The following ADD2 variants were observed in gnomAD, a reference collection of about 807,000 sequenced individuals.
ADD2 encodes the protein adducin 2, also known as beta-adducin.
A neutral mutation model predicts 83.0 loss-of-function variants in ADD2; 23 were observed. The observed-to-expected ratio is 0.28, with a 90% CI of 0.20 to 0.39. The LOEUF (loss-of-function observed/expected upper bound fraction) is 0.39. Among genes scored for constraint, ADD2 ranks in the 10% least tolerant of loss-of-function variants. The pLI is 1.00. For missense variants in ADD2, 758 were observed against 944.9 expected (o/e 0.80, Z 2.59); for synonymous variants, 375 against 375.4 (o/e 1.00, Z 0.01).
At chr2:70,735,807 C>A (rs185355697) in intron 1 of ADD2, among the ~76,000 whole-genome samples, 15 of 150,792 alleles carry the variant, frequency 9.9e-5, no homozygotes, top group African/African-American at 3.7e-4. Flanking sequence ...CTGCAACCTC[C>A]GCCTCCTGGG....
Position 70,756,584 on chromosome 2 carries a change from A to C in ADD2, c.-154+11302T>G, listed in dbSNP as rs1382364971. Among the ~76,000 whole-genome samples, 3 of 152,332 alleles carry C rather than the reference A, an allele frequency of 2.0e-5. No individual in the cohort carries two copies. In the East Asian group the frequency reaches 5.8e-4, roughly 29 times the overall value. ...TCATAGAAACCAACGATGGCTAGGA[A>C]ATAGAGTATTTTATCAACTTTGATA... On this transcript the variant is annotated intron_variant, in intron 1 of 15. Coordinates refer to ENST00000264436, the MANE Select transcript of ADD2 (RefSeq NM_001617.4).
In ADD2 at chr2:70,695,741, C is replaced by T; in HGVS notation, c.535G>A (p.Glu179Lys). The T allele has an allele frequency of 6.2e-7, 1 of 1,614,172 alleles. No individual in the cohort carries two copies. Among genetic ancestry groups the T allele is most frequent in the South Asian group, 1.1e-5 (1 of 91,074 alleles). ...LISPKGVSCSEVTASSLIKVN... is the reference protein window; with the variant it reads ...LISPKGVSCSKVTASSLIKVN... ...CTCACCAGGCTGGACGCTGTGACTT[C>T]ACTGCAAGAAACTCCCTTAGGGCTG... Residue 179 changes from glutamate to lysine, a missense_variant, in exon 6 of 16, where the codon GAA (glutamate) becomes AAA (lysine). Glu to Lys is a moderately conservative substitution (Grantham distance 56, BLOSUM62 1). This residue lies in a region of ADD2 where 394 missense variants were observed against 509.3 expected (regional missense o/e 0.77). Coordinates refer to ENST00000264436, the MANE Select transcript of ADD2 (RefSeq NM_001617.4).
At chr2:70,713,741 GCCT>G (rs1296353206) in intron 1 of ADD2, among the ~76,000 whole-genome samples, 4 of 152,106 alleles carry the variant, frequency 2.6e-5, no homozygotes, top group Admixed American at 6.5e-5. Flanking sequence ...GGTTGCCCTG[GCCT>G]GGTGGAGGGC....
intron 11 of ADD2, 116 bp downstream of exon 11, chr2:70,678,588 A>G: frequency 2.1e-6 from 3 of 1,411,072 alleles, no homozygotes; most frequent in Admixed American, 2.6e-5. Context: ...AAGCCCAAAG[A>G]GGATGCTACT....
intron 9 of ADD2, among the ~76,000 whole-genome samples, chr2:70,685,289 T>A (rs2104289328): frequency 6.6e-6 from 1 of 152,310 alleles, no homozygotes; most frequent in East Asian, 1.9e-4. Context: ...TAGAGTATGT[T>A]AAATTCATCA....
intron 1 of ADD2, among the ~76,000 whole-genome samples, chr2:70,750,876 G>A (rs1674470943): frequency 1.3e-5 from 2 of 151,940 alleles, no homozygotes; most frequent in Admixed American, 1.3e-4. Context: ...GAGAATTAAG[G>A]GCCAACACTG....
chr2:70,692,700 A>G, intron 6 of ADD2, 148 bp from the exon 7 acceptor site: 1 of 832,984 alleles, frequency 1.2e-6, no homozygotes, highest in Non-Finnish European at 1.8e-6. Flanking sequence ...GTTGGAAGAA[A>G]ACAAACCAGT....
At chr2:70,719,613 C>T (rs1672633348) in intron 1 of ADD2, among the ~76,000 whole-genome samples, 1 of 152,166 alleles carries the variant, frequency 6.6e-6, no homozygotes, top group Non-Finnish European at 1.5e-5. Flanking sequence ...AGTCTTCCCA[C>T]ACTCAGTGCC....
chr2:70,714,060 T>C (rs1672339710), intron 1 of ADD2, among the ~76,000 whole-genome samples: 1 of 152,070 alleles, frequency 6.6e-6, no homozygotes, highest in African/African-American at 2.4e-5. Context: ...AAAGTACTAC[T>C]GAAGGAGGAA....
Position 70,696,365 on chromosome 2 carries a change from G to A in ADD2, c.354C>T (p.Leu118=). The A allele has an allele frequency of 3.1e-6, 5 of 1,614,218 alleles. No individual in the cohort carries two copies. The highest frequency in any genetic ancestry group is 4.2e-6 in the Non-Finnish European group (5 of 1,180,048). Residue 118 remains leucine, a synonymous_variant, in exon 5 of 16, where the codon CTC becomes CTT. Transcript: ENST00000264436. ...CCAGGTTCAGGGAGTCAGCTGTGTGGAGGTCATTGATAGGCGTCATCATGG... is the reference window on the plus strand; with the variant it reads ...CCAGGTTCAGGGAGTCAGCTGTGTGAAGGTCATTGATAGGCGTCATCATGG... ...NVSMMTPIND[L]HTADSLNLAK... is the part of the protein sequence containing the mutation.
intron 9 of ADD2, among the ~76,000 whole-genome samples, chr2:70,685,204 C>T (rs1553370327): frequency 6.6e-6 from 1 of 152,134 alleles, no homozygotes; most frequent in Non-Finnish European, 1.5e-5. Flanking sequence ...TTATTTTTTA[C>T]TGGAAATGAA....
intron 1 of ADD2, among the ~76,000 whole-genome samples, chr2:70,734,554 C>A (rs1654743133): frequency 6.6e-6 from 1 of 152,108 alleles, no homozygotes; most frequent in African/African-American, 2.4e-5. Flanking sequence ...GAAGAGAAGA[C>A]CCCAATGTCA....
intron 4 of ADD2, among the ~76,000 whole-genome samples, chr2:70,701,872 T>C (rs1450323084): frequency 1.3e-5 from 2 of 152,236 alleles, no homozygotes; most frequent in East Asian, 1.9e-4. Context: ...CTGATGGATA[T>C]GAAAGAAGAC....
At position 70,696,234 on chromosome 2, in the gene ADD2, G is replaced by T; in HGVS notation, c.474+11C>A. On this transcript the variant is annotated intron_variant, in intron 5 of 15. Coordinates refer to ENST00000264436, the MANE Select transcript of ADD2 (RefSeq NM_001617.4). ...GCAGTGCCCCACCCAATTCCAGGGCGTTCTGCTCACCGTGACATAGGTGTC... is the reference window on the plus strand; with the variant it reads ...GCAGTGCCCCACCCAATTCCAGGGCTTTCTGCTCACCGTGACATAGGTGTC... 6.2e-7 allele frequency: 1 copy of T among 1,609,276 alleles called. No homozygotes were observed. Among genetic ancestry groups the T allele is most frequent in the Non-Finnish European group, 8.5e-7 (1 of 1,177,942 alleles).
intron 1 of ADD2, among the ~76,000 whole-genome samples, chr2:70,721,384 A>G (rs897465717): frequency 6.6e-6 from 1 of 152,168 alleles, no homozygotes; most frequent in Non-Finnish European, 1.5e-5. Flanking sequence ...TCTATGTCTT[A>G]GAAGCCATGT....
intron 1 of ADD2, among the ~76,000 whole-genome samples, chr2:70,749,316 C>T (rs1310952806): frequency 6.6e-6 from 1 of 152,122 alleles, no homozygotes; most frequent in African/African-American, 2.4e-5. Flanking sequence ...GATTATAATT[C>T]AAGATGAGAT....
chr2:70,752,476 GA>G (rs1674556619), intron 1 of ADD2, among the ~76,000 whole-genome samples: 1 of 152,070 alleles, frequency 6.6e-6, no homozygotes, highest in Admixed American at 6.6e-5. Context: ...TGACATGCAG[GA>G]AGTACTGAAT....
chr2:70,719,988 G>T (rs782155353), intron 1 of ADD2, among the ~76,000 whole-genome samples: 3 of 151,888 alleles, frequency 2.0e-5, no homozygotes, highest in Non-Finnish European at 2.9e-5. Context: ...CAGCTATTGG[G>T]TATGTATCCT....
chr2:70,737,073 C>T (rs1424316528), intron 1 of ADD2, among the ~76,000 whole-genome samples: 6 of 152,070 alleles, frequency 3.9e-5, no homozygotes, highest in Admixed American at 6.6e-5. Context: ...AGTCAGGAAA[C>T]AACAGGTGCT....
Sources: allele counts gnomAD v4.1 joint callset (sites outside exome capture counted in the v4.1 genomes callset), GRCh38; gene constraint gnomAD v4.1.1; regional missense constraint gnomAD v4.1.1; transcripts MANE v1.5; gene names NCBI Gene and HGNC (gene_info 2026-07-23, HGNC 2026-07-21).